The following ACBD5 variants were observed in gnomAD, a reference collection of about 807,000 sequenced individuals.
The protein encoded by ACBD5 is acyl-CoA-binding domain-containing protein 5.
In ACBD5, 40 loss-of-function variants were observed where a neutral mutation model predicts 71.8. The observed-to-expected ratio is 0.56, with a 90% CI of 0.43 to 0.72. The LOEUF (loss-of-function observed/expected upper bound fraction) is 0.72, where lower values mean the gene tolerates loss of function less well. ACBD5 is among the 30% of genes least tolerant of loss of function. ACBD5 has a pLI of 0.00. For missense variants in ACBD5, 559 were observed against 644.5 expected (o/e 0.87, Z 1.44); for synonymous variants, 229 against 218.6 (o/e 1.05, Z -0.42).
chr10:27,203,889 G>A (rs544602654), intron 12 of ACBD5, among the ~76,000 whole-genome samples: 9 of 151,918 alleles, frequency 5.9e-5, no homozygotes, highest in East Asian at 1.9e-4. Flanking sequence ...CTCCTGCTTC[G>A]CCCTCCCCAA....
intron 5 of ACBD5, among the ~76,000 whole-genome samples, chr10:27,222,597 A>G (rs1361008483): frequency 1.3e-5 from 2 of 152,064 alleles, no homozygotes; most frequent in African/African-American, 4.8e-5. Flanking sequence ...TTGAGACAGC[A>G]TCTCACTCTG....
At chr10:27,221,074 T>C (rs1374294945) in intron 5 of ACBD5, among the ~76,000 whole-genome samples, 6 of 152,234 alleles carry the variant, frequency 3.9e-5, no homozygotes, top group Non-Finnish European at 8.8e-5. Context: ...ATAACCTAAA[T>C]GTCCACCAGA....
intron 12 of ACBD5, among the ~76,000 whole-genome samples, chr10:27,198,952 T>A (rs746513632): frequency 4.5e-4 from 68 of 151,574 alleles, no homozygotes; most frequent in African/African-American, 1.6e-3. Context: ...TACTAAAAAT[T>A]CAAAAAATTA....
At chr10:27,198,297 G>A (rs2059564720) in intron 12 of ACBD5, among the ~76,000 whole-genome samples, 1 of 152,120 alleles carries the variant, frequency 6.6e-6, no homozygotes, top group Non-Finnish European at 1.5e-5. Flanking sequence ...ATAATATGAT[G>A]GTTTCAAAGA....
chr10:27,234,669 C>T (rs1012361524), intron 3 of ACBD5, among the ~76,000 whole-genome samples: 5 of 152,340 alleles, frequency 3.3e-5, no homozygotes, highest in African/African-American at 7.2e-5. Context: ...TGGTGGCTCA[C>T]GCCTGTAATC....
At chr10:27,219,981 T>C (rs578235993) in intron 5 of ACBD5, 124 bp from the exon 6 acceptor site, 3 of 679,634 alleles carry the variant, frequency 4.4e-6, no homozygotes, top group South Asian at 3.3e-5. Context: ...ATGTTATATA[T>C]ATAATAGTAT....
At chr10:27,197,829 T>C (rs1244149613) in intron 12 of ACBD5, among the ~76,000 whole-genome samples, 1 of 152,136 alleles carries the variant, frequency 6.6e-6, no homozygotes, top group African/African-American at 2.4e-5. Context: ...GTATTTTTAA[T>C]AGAGACGAGG....
At chr10:27,214,481 A>G (rs908948426) in intron 8 of ACBD5, among the ~76,000 whole-genome samples, 14 of 152,030 alleles carry the variant, frequency 9.2e-5, no homozygotes, top group African/African-American at 3.4e-4. Flanking sequence ...TCCTGGGATT[A>G]CAGGTGTGAG....
In ACBD5 at chr10:27,240,318, C is replaced by T. The variant is rs1488711963; in HGVS notation, c.181+1G>A. 1.9e-6 allele frequency: 3 copies of T among 1,614,092 alleles called. No homozygotes were observed. In the Admixed American group the frequency reaches 5.0e-5, roughly 27 times the overall value. On this transcript the variant is annotated splice_donor_variant, in intron 2 of 12. Coordinates refer to ENST00000396271, the MANE Select transcript of ACBD5 (RefSeq NM_145698.5). LOFTEE classifies it high-confidence loss of function. This position sits in a 1 kb window ranked among gnomAD's most constrained non-coding sequence, Gnocchi z 4.1. The stretch of plus-strand genomic sequence containing the variant: ...CTACAGCCGGGGCCCAGCGCACGTA[C>T]CATTCTTCGGCAAACTCTGGATCAC...
At position 27,240,338 on chromosome 10, in the gene ACBD5, G is replaced by T. The variant is rs1213003343; in HGVS notation, c.162C>A (p.Ile54=). The change falls in exon 2 of 13, where the codon ATC becomes ATA. Residue 54 remains isoleucine, a synonymous_variant. Coordinates refer to ENST00000396271, the MANE Select transcript of ACBD5 (RefSeq NM_145698.5). This position sits in a 1 kb window ranked among gnomAD's most constrained non-coding sequence, Gnocchi z 4.1. The part of the protein sequence containing the change: ...ETRFEAAVKV[I]QSLPKNGSFQ... ...ACGTACCATTCTTCGGCAAACTCTG[G>T]ATCACCTTCACGGCCGCCTCAAACC... The T allele has an allele frequency of 6.2e-7, 1 of 1,613,978 alleles. No homozygotes were observed. Among genetic ancestry groups the T allele is most frequent in the South Asian group, 1.1e-5 (1 of 91,072 alleles).
intron 2 of ACBD5, among the ~76,000 whole-genome samples, chr10:27,235,556 A>T (rs562649179): frequency 6.6e-6 from 1 of 152,374 alleles, no homozygotes; most frequent in African/African-American, 2.4e-5. Context: ...AATCGTAATA[A>T]GGTACTTTTA....
downstream of ACBD5, among the ~76,000 whole-genome samples, chr10:27,191,454 A>C (rs1167120219): frequency 6.6e-6 from 1 of 152,198 alleles, no homozygotes; most frequent in Non-Finnish European, 1.5e-5. Context: ...ATGTTGGTTC[A>C]TCAGATGAAA....
At position 27,204,353 on chromosome 10, in the gene ACBD5, C is replaced by A. The variant is rs143604306; in HGVS notation, c.1565+87G>T. 8.9e-4 allele frequency: 813 copies of A among 914,210 alleles called. 5 individuals are homozygous for A. Among genetic ancestry groups the A allele is most frequent in the African/African-American group, 8.6e-3 (532 of 61,746 alleles). The allele number at this position is 914,210 out of a possible 1,614,324, so 56.6% of individuals were successfully genotyped here. A position where few individuals can be genotyped will look rare whatever the true frequency, so the allele number is the denominator to read the frequency against. On this transcript the variant is annotated intron_variant, in intron 12 of 12. Coordinates refer to ENST00000396271, the MANE Select transcript of ACBD5 (RefSeq NM_145698.5). ...ATGACGATGTATCTATAAAATGGAC[C>A]TAGCATCCCTTAATTGCTGCTGAAA...
intron 13 of ACBD5, among the ~76,000 whole-genome samples, chr10:27,184,181 C>T (rs2058496920): frequency 6.6e-6 from 1 of 152,146 alleles, no homozygotes; most frequent in South Asian, 2.1e-4. Flanking sequence ...ACAGACACAA[C>T]ATAATGTCAT....
At chr10:27,186,651 A>G in intron 13 of ACBD5, 2 of 983,950 alleles carry the variant, frequency 2.0e-6, no homozygotes, top group African/African-American at 3.2e-5. Flanking sequence ...ACCTAGTTCA[A>G]TGTGCTTTTA....
At chr10:27,234,105 A>C (rs911662601) in intron 3 of ACBD5, among the ~76,000 whole-genome samples, 1 of 152,238 alleles carries the variant, frequency 6.6e-6, no homozygotes, top group Admixed American at 6.5e-5. Context: ...CATAACGTAC[A>C]GTCTAAAATT....
downstream of ACBD5, among the ~76,000 whole-genome samples, chr10:27,190,649 T>G (rs201578616): frequency 0.013 from 1 of 76 alleles, no homozygotes; most frequent in East Asian, 0.5. Flanking sequence ...ATAGTACAAA[T>G]ATATTTACTG....
chr10:27,214,084 T>G (rs1165001402), intron 8 of ACBD5, among the ~76,000 whole-genome samples: 1 of 152,194 alleles, frequency 6.6e-6, no homozygotes, highest in Non-Finnish European at 1.5e-5. Context: ...AAACTTCAAA[T>G]GGTCTCACTT....
At chr10:27,217,163 A>T in intron 7 of ACBD5, among the ~76,000 whole-genome samples, 1 of 145,290 alleles carries the variant, frequency 6.9e-6, no homozygotes, top group African/African-American at 2.6e-5. Context: ...AAAAAAAAAA[A>T]GATGTTTCTC....
Sources: allele counts gnomAD v4.1 joint callset (sites outside exome capture counted in the v4.1 genomes callset), GRCh38; gene constraint gnomAD v4.1.1; non-coding constraint Gnocchi (gnomAD v3.1); transcripts MANE v1.5; gene names NCBI Gene and HGNC (gene_info 2026-07-23, HGNC 2026-07-21).